The following TFR2 variants were observed in gnomAD, a reference collection of about 807,000 sequenced individuals.
The protein encoded by TFR2 is transferrin receptor 2.
A neutral mutation model predicts 91.9 loss-of-function variants in TFR2; 64 were observed. The ratio of observed to expected loss-of-function variants is 0.70; its 90% confidence interval spans 0.57 to 0.86. TFR2 has a LOEUF of 0.86. Ranked by LOEUF, TFR2 falls within the 40% of genes least tolerant of loss-of-function variation. TFR2 has a pLI of 0.00. For synonymous variants in TFR2, 454 were observed against 459.6 expected, an observed-to-expected ratio of 0.99 and a Z score of 0.15; for missense variants, 950 against 1,080.5, an observed-to-expected ratio of 0.88 and a Z score of 1.69.
intron 17 of TFR2, among the ~76,000 whole-genome samples, chr7:100,624,185 G>A (rs925012073): frequency 2.0e-5 from 3 of 151,978 alleles, no homozygotes; most frequent in African/African-American, 2.4e-5. Flanking sequence ...CCTGGTGTTC[G>A]AGGCTCCCCA....
At chr7:100,625,676 G>A (rs1803234334) in intron 17 of TFR2, among the ~76,000 whole-genome samples, 1 of 152,128 alleles carries the variant, frequency 6.6e-6, no homozygotes, top group Admixed American at 6.6e-5. Context: ...TTGAGGCCAG[G>A]AGTTTGAGAC....
chr7:100,627,644 A>G lies in TFR2; in HGVS notation c.1700T>C (p.Met567Thr). The G allele has an allele frequency of 1.2e-6, 2 of 1,614,142 alleles. No homozygotes were observed. The highest frequency in any genetic ancestry group is 1.7e-6 in the Non-Finnish European group (2 of 1,179,998). Reference protein sequence around the residue: ...WDAEVIRPLPMDSSAYSFTAF... With the variant: ...WDAEVIRPLPTDSSAYSFTAF... ...CGTGAAGGAATAGGCACTGCTGTCC[A>G]TGGGTAGGGGCCGGATCCTGGGGGC... is the stretch of plus-strand genomic sequence containing the variant. Residue 567 changes from methionine to threonine, a missense_variant, in exon 15 of 18, where the codon ATG (methionine) becomes ACG (threonine). Coordinates refer to ENST00000223051, the MANE Select transcript of TFR2 (RefSeq NM_003227.4).
Position 100,621,083 on chromosome 7 carries a change from G to A in TFR2, c.2180C>T (p.Ser727Phe), listed in dbSNP as rs959766520. The A allele has an allele frequency of 1.3e-6, 2 of 1,544,768 alleles. No individual in the cohort carries two copies. Among genetic ancestry groups the A allele is most frequent in the South Asian group, 1.2e-5 (1 of 84,288 alleles). ...FLSQYVSPADSPFRHIFMGRG... is the reference protein window; with the variant it reads ...FLSQYVSPADFPFRHIFMGRG... ...GCCCATGAAGATGTGGCGGAACGGGGAGTCGGCTGGCGACACGTACTGGGA... is the reference window on the plus strand; with the variant it reads ...GCCCATGAAGATGTGGCGGAACGGGAAGTCGGCTGGCGACACGTACTGGGA... Residue 727 changes from serine to phenylalanine, a missense_variant, in exon 18 of 18, where the codon TCC (serine) becomes TTC (phenylalanine). Physicochemically the swap from Ser to Phe is radical, Grantham distance 155. Coordinates refer to ENST00000223051, the MANE Select transcript of TFR2 (RefSeq NM_003227.4).
chr7:100,631,635 A>G, intron 8 of TFR2, 171 bp downstream of exon 8: 1 of 839,978 alleles, frequency 1.2e-6, no homozygotes, highest in Non-Finnish European at 1.7e-6. Flanking sequence ...AAAAAAAAAA[A>G]AGGTCAGGGT....
intron 17 of TFR2, among the ~76,000 whole-genome samples, chr7:100,623,217 G>A (rs979878166): frequency 5.9e-5 from 9 of 152,358 alleles, no homozygotes; most frequent in Middle Eastern, 3.4e-3. Flanking sequence ...AGGTTGCAGC[G>A]AGCCGAGATC....
At position 100,628,120 on chromosome 7, in the gene TFR2, A is replaced by C; in HGVS notation, c.1490T>G (p.Leu497Arg). The change falls in exon 12 of 18, where the codon CTG (leucine) becomes CGG (arginine). Residue 497 changes from leucine (L) to arginine (R), a missense_variant. Transcript: ENST00000223051. The part of the protein sequence containing the change: ...TEWLEGYLSV[L>R]HLKAVVYVSL... ...CACGTACACTACGGCTTTGAGGTGC[A>C]GCACGCTGAGGTAGCCCTGTGGGTG... 1 of 1,614,126 alleles carries C rather than the reference A, an allele frequency of 6.2e-7. No homozygotes were observed. Among genetic ancestry groups the C allele is most frequent in the Non-Finnish European group, 8.5e-7 (1 of 1,179,998 alleles).
At chr7:100,623,852 C>A (rs546200676) in intron 17 of TFR2, among the ~76,000 whole-genome samples, 1 of 143,456 alleles carries the variant, frequency 7.0e-6, no homozygotes, top group East Asian at 2.1e-4. Flanking sequence ...GAGTTCAAGA[C>A]CAGCCTGGCC....
At position 100,620,943 on chromosome 7, in the gene TFR2, G is replaced by T; in HGVS notation, c.2320C>A (p.Arg774Ser). The change falls in exon 18 of 18, where the codon CGT becomes AGT. Residue 774 changes from arginine to serine, a missense_variant. Transcript: ENST00000223051. ...GTCCAGGTGAGCAGGGCTAGCTGACGCCGGAAACGGCTCTCCTGGAAGCCA... is the reference window on the plus strand; with the variant it reads ...GTCCAGGTGAGCAGGGCTAGCTGACTCCGGAAACGGCTCTCCTGGAAGCCA... ...STGFQESRFR[R>S]QLALLTWTLQ... The T allele has an allele frequency of 6.2e-7, 1 of 1,613,950 alleles. No individual in the cohort carries two copies. The highest frequency in any genetic ancestry group is 8.5e-7 in the Non-Finnish European group (1 of 1,179,946).
Position 100,627,965 on chromosome 7 carries a change from T to G in TFR2, c.1547A>C (p.Lys516Thr), listed in dbSNP as rs1803315715. The change falls in exon 13 of 18, where the codon AAG (lysine) becomes ACG (threonine). Residue 516 changes from lysine (K) to threonine (T), a missense_variant. Coordinates refer to ENST00000223051, the MANE Select transcript of TFR2 (RefSeq NM_003227.4). ...AAGGGGGCTGGTCTTGGCATGAAAC[T>G]TGTCATCCCCTGGAAAAAGGGGAGG... Reference protein sequence around the residue: ...SLDNAVLGDDKFHAKTSPLLT... With the variant: ...SLDNAVLGDDTFHAKTSPLLT... 1 of 1,613,840 alleles carries G rather than the reference T, an allele frequency of 6.2e-7. No individual in the cohort carries two copies. The highest frequency in any genetic ancestry group is 1.7e-5 in the Admixed American group (1 of 59,984).
At chr7:100,634,097 T>TG (rs1056629342) in intron 3 of TFR2, among the ~76,000 whole-genome samples, 3 of 151,538 alleles carry the variant, frequency 2.0e-5, no homozygotes, top group African/African-American at 7.3e-5. Context: ...TTCCCATAGC[T>TG]GGGGGTCCTG....
At chr7:100,630,474 G>A (rs1312140816) in intron 9 of TFR2, among the ~76,000 whole-genome samples, 1 of 151,842 alleles carries the variant, frequency 6.6e-6, no homozygotes, top group Non-Finnish European at 1.5e-5. Flanking sequence ...ATTTTTAGTA[G>A]AGACGGGGTT....
intron 3 of TFR2, among the ~76,000 whole-genome samples, chr7:100,637,835 A>T (rs1338860442): frequency 6.9e-6 from 1 of 144,148 alleles, no homozygotes; most frequent in Non-Finnish European, 1.5e-5. Context: ...ATGTAATTTA[A>T]TTTTTTTTTT....
intron 6 of TFR2, chr7:100,632,695 A>G (rs1443600693): frequency 9.0e-6 from 3 of 333,648 alleles, no homozygotes; most frequent in African/African-American, 2.8e-5. Context: ...GACCACATGC[A>G]TGTGCCACCA....
In TFR2 at chr7:100,640,902, T is replaced by C. The variant is rs41302360; in HGVS notation, c.287-30A>G. Reference sequence around the variant, plus strand: ...CGGGTGGCAAGATGGGGATTCTCTTTATGCCCACCTCTGGACCCCAGAAAT... The same window carrying C: ...CGGGTGGCAAGATGGGGATTCTCTTCATGCCCACCTCTGGACCCCAGAAAT... On this transcript the variant is annotated intron_variant, in intron 2 of 17. Coordinates refer to ENST00000223051, the MANE Select transcript of TFR2 (RefSeq NM_003227.4). 1.6e-3 allele frequency: 2,612 copies of C among 1,613,834 alleles called. 32 individuals are homozygous for C. In the East Asian group the frequency reaches 0.021, roughly 13 times the overall value.
chr7:100,626,861 C>T lies in TFR2; in HGVS notation c.2038G>A (p.Asp680Asn), dbSNP rs1302587036. ...TLQWVYSARGDYIRAAEKLRQ... is the reference protein window; with the variant it reads ...TLQWVYSARGNYIRAAEKLRQ... Reference sequence around the variant, plus strand: ...AGCTTTTCCGCCGCCCGGATGTAGTCCCCCCGCGCCGAGTACACCCACTGC... The same window carrying T: ...AGCTTTTCCGCCGCCCGGATGTAGTTCCCCCGCGCCGAGTACACCCACTGC... The change falls in exon 17 of 18, where the codon GAC becomes AAC. Residue 680 changes from aspartate to asparagine, a missense_variant. Transcript: ENST00000223051. 1.9e-6 allele frequency: 3 copies of T among 1,547,950 alleles called. No individual in the cohort carries two copies. The highest frequency in any genetic ancestry group is 2.4e-5 in the South Asian group (2 of 84,074).
intron 9 of TFR2, 74 bp downstream of exon 9, chr7:100,630,815 T>C: frequency 1.2e-6 from 2 of 1,603,014 alleles, no homozygotes; most frequent in South Asian, 2.2e-5. Context: ...CAGCCCCCTA[T>C]CTTGCCAGGG....
chr7:100,631,777 C>T, intron 8 of TFR2, 29 bp downstream of exon 8: 5 of 1,605,444 alleles, frequency 3.1e-6, no homozygotes, highest in Non-Finnish European at 4.3e-6. Context: ...TCTGCTTCCT[C>T]CTCTTCTGGT....
chr7:100,637,723 G>A (rs941805073), intron 3 of TFR2, among the ~76,000 whole-genome samples: 3 of 152,092 alleles, frequency 2.0e-5, no homozygotes, highest in Non-Finnish European at 4.4e-5. Flanking sequence ...TGAGATGGGA[G>A]AATCACCTGA....
chr7:100,633,091 G>C lies in TFR2; in HGVS notation c.759C>G (p.Pro253=), dbSNP rs765746785. 7.4e-6 allele frequency: 12 copies of C among 1,613,354 alleles called. No homozygotes were observed. The highest frequency in any genetic ancestry group is 5.3e-5 in the African/African-American group (4 of 74,930). ...GELVYAHYGR[P]EDLQDLRARG... Reference sequence around the variant, plus strand: ...TGGCCCGCAGGTCCTGCAGGTCTTCGGGCCGCCCGTAGTGGGCGTACACCA... The same window carrying C: ...TGGCCCGCAGGTCCTGCAGGTCTTCCGGCCGCCCGTAGTGGGCGTACACCA... The change falls in exon 6 of 18, where the codon CCC becomes CCG. Residue 253 remains proline (P), a synonymous_variant. Transcript: ENST00000223051.
Sources: allele counts gnomAD v4.1 joint callset (sites outside exome capture counted in the v4.1 genomes callset), GRCh38; gene constraint gnomAD v4.1.1; transcripts MANE v1.5; gene names NCBI Gene and HGNC (gene_info 2026-07-23, HGNC 2026-07-21).